The following CCDC14 variants were observed in gnomAD, a reference collection of about 807,000 sequenced individuals.
The protein encoded by CCDC14 is coiled-coil domain-containing protein 14.
A neutral mutation model predicts 81.4 loss-of-function variants in CCDC14; 71 were observed. The ratio of observed to expected loss-of-function variants is 0.87; its 90% CI spans 0.72 to 1.06. The LOEUF (loss-of-function observed/expected upper bound fraction) is 1.06, where lower values mean the gene tolerates loss of function less well. CCDC14 is among the 50% of genes least tolerant of loss of function. The pLI, the probability that CCDC14 is intolerant of heterozygous loss-of-function variation, is 0.00. For synonymous variants in CCDC14, 332 were observed against 364.8 expected (o/e 0.91, Z 1.03); for missense variants, 1,046 against 1,047.3 (o/e 1.00, Z 0.02).
At chr3:123,932,778 A>T (rs915175877) in intron 10 of CCDC14, among the ~76,000 whole-genome samples, 2 of 152,272 alleles carry the variant, frequency 1.3e-5, no homozygotes, top group East Asian at 1.9e-4. Flanking sequence ...CCTTTGGCTC[A>T]ACAATTCTAC....
Position 123,915,026 on chromosome 3 carries a change from T to C in CCDC14, c.2471A>G (p.Lys824Arg), listed in dbSNP as rs2034575683. 6.2e-7 allele frequency: 1 copy of C among 1,613,918 alleles called. No homozygotes were observed. The highest frequency in any genetic ancestry group is 1.7e-5 in the Admixed American group (1 of 60,006). ...EAIGKIPAAT[K>R]EPEEQTACHG... ...ACATGCAGTTTGTTCCTCTGGCTCC[T>C]TGGTGGCAGCAGGGATCTTACCAAT... Residue 824 changes from lysine (K) to arginine (R), a missense_variant, in exon 13 of 13, where the codon AAG becomes AGG. By Grantham distance (26) the Lys-to-Arg change is conservative (BLOSUM62 2). Coordinates refer to ENST00000409697, the MANE Select transcript of CCDC14 (RefSeq NM_001366335.1).
Position 123,961,143 on chromosome 3 carries a change from C to T in CCDC14, c.30+1G>A, listed in dbSNP as rs764465832. On this transcript the variant is annotated splice_donor_variant, in intron 1 of 12. Coordinates refer to ENST00000409697, the MANE Select transcript of CCDC14 (RefSeq NM_001366335.1). LOFTEE classifies it high-confidence loss of function. ...GGACTCCTCAGGTCCTCAGCCCTCA[C>T]CTGGCCCGGTCGAGCTCCAGACCTG... is the stretch of plus-strand genomic sequence containing the variant. 2 of 1,551,492 alleles carry T rather than the reference C, an allele frequency of 1.3e-6. No individual in the cohort carries two copies. The highest frequency in any genetic ancestry group is 1.7e-4 in the Middle Eastern group (1 of 5,942).
downstream of CCDC14, among the ~76,000 whole-genome samples, chr3:123,897,118 G>A (rs2034077053): frequency 6.6e-6 from 1 of 152,096 alleles, no homozygotes; most frequent in Non-Finnish European, 1.5e-5. Flanking sequence ...TAATGAGAAT[G>A]TAATTCCAAA....
In CCDC14 at chr3:123,915,244, AG is replaced by A; in HGVS notation, c.2252del (p.Pro751LeufsTer5). 1 of 1,613,628 alleles carries A rather than the reference AG, an allele frequency of 6.2e-7. No individual in the cohort carries two copies. The highest frequency in any genetic ancestry group is 8.5e-7 in the Non-Finnish European group (1 of 1,179,856). ...TTGTAGCTGCTCTTATTTGTGGCTG[AG>A]GGGATAGTCTCTTAGAAAGTGGTGA... ...KKSPLSKRLS[P>X]QPQIRAATTQ... On this transcript the variant is annotated frameshift_variant, in exon 13 of 13. Transcript: ENST00000409697. LOFTEE classifies it low-confidence loss of function (END_TRUNC).
chr3:123,932,885 G>A (rs1176913922), intron 10 of CCDC14, among the ~76,000 whole-genome samples: 1 of 151,856 alleles, frequency 6.6e-6, no homozygotes, highest in African/African-American at 2.4e-5. Context: ...GATCACTTGA[G>A]GTCAGGAGTT....
At position 123,948,686 on chromosome 3, in the gene CCDC14, C is replaced by A; in HGVS notation, c.684+5G>T. ...TTACTTATGTAGTATAAGAACTGTA[C>A]GCACAGAATGAACCTTTGGAGGGCA... is the stretch of plus-strand genomic sequence containing the variant. On this transcript the variant is annotated splice_donor_5th_base_variant and intron_variant, in intron 7 of 12. Coordinates refer to ENST00000409697, the MANE Select transcript of CCDC14 (RefSeq NM_001366335.1). The A allele has an allele frequency of 1.3e-6, 2 of 1,589,800 alleles. No homozygotes were observed. The highest frequency in any genetic ancestry group is 2.2e-5 in the East Asian group (1 of 44,730).
chr3:123,917,275 C>T (rs992691396), intron 12 of CCDC14, among the ~76,000 whole-genome samples: 2 of 151,482 alleles, frequency 1.3e-5, no homozygotes, highest in Non-Finnish European at 2.9e-5. Flanking sequence ...AGGCAGATCA[C>T]CTGAGGTCAG....
intron 8 of CCDC14, 33 bp from the exon 9 acceptor site, chr3:123,945,023 T>C: frequency 6.7e-7 from 1 of 1,488,288 alleles, no homozygotes. Context: ...GTAAAATCAA[T>C]ATTATATTTT....
chr3:123,958,106 C>G (rs1208068115), intron 1 of CCDC14: 1 of 152,092 alleles, frequency 6.6e-6, no homozygotes, highest in East Asian at 1.9e-4. Context: ...ATGAAGCCAG[C>G]AGTGAGAACC....
chr3:123,917,508 A>C (rs1399539010), intron 12 of CCDC14, among the ~76,000 whole-genome samples: 1 of 122,644 alleles, frequency 8.2e-6, no homozygotes, highest in African/African-American at 4.0e-5. Flanking sequence ...CAAAAAAAAA[A>C]ACAAAAAACA....
At chr3:123,898,751 A>C (rs1412304979) in intron 5 of CCDC14, among the ~76,000 whole-genome samples, 1 of 152,130 alleles carries the variant, frequency 6.6e-6, no homozygotes. Context: ...GCAGCGGCAC[A>C]ATCTTGGCTC....
chr3:123,947,808 T>A (rs1253561023), intron 7 of CCDC14, among the ~76,000 whole-genome samples: 1 of 151,972 alleles, frequency 6.6e-6, no homozygotes, highest in African/African-American at 2.4e-5. Flanking sequence ...GTTTCTGATA[T>A]TAAAAACTTG....
intron 5 of CCDC14, among the ~76,000 whole-genome samples, chr3:123,949,854 G>C (rs1324342437): frequency 2.0e-5 from 3 of 152,022 alleles, no homozygotes; most frequent in Non-Finnish European, 2.9e-5. Context: ...CACCACCCTA[G>C]AGCACATATT....
downstream of CCDC14, chr3:123,913,315 G>C (rs2034489906): frequency 1.1e-6 from 1 of 907,990 alleles, no homozygotes; most frequent in Non-Finnish European, 1.3e-6. Context: ...TGCATATAAG[G>C]ATGGCTGTTC....
intron 12 of CCDC14, among the ~76,000 whole-genome samples, chr3:123,922,232 AAG>A (rs2035089171): frequency 6.6e-6 from 1 of 152,202 alleles, no homozygotes; most frequent in African/African-American, 2.4e-5. Flanking sequence ...AAGCAATTCT[AAG>A]AGGGAAATTT....
chr3:123,951,341 TA>T (rs139823283), intron 5 of CCDC14, among the ~76,000 whole-genome samples: 4,156 of 152,278 alleles, frequency 0.027, 77 homozygotes, highest in Non-Finnish European at 0.042. Context: ...ATGTCAGTAA[TA>T]AACCTCTGAA....
chr3:123,952,908 C>T lies in CCDC14; in HGVS notation c.352+2935G>A, dbSNP rs113876468. ...AACAGCTGCCAACCACACACACACA[C>T]AACTAGAAACTAATTTCTAATATTG... On this transcript the variant is annotated intron_variant, in intron 5 of 12. Transcript: ENST00000409697. The T allele has an allele frequency of 5.1e-3, 994 of 195,260 alleles. 14 individuals carry two copies. The highest frequency in any genetic ancestry group is 0.021 in the African/African-American group (930 of 43,500). The allele number at this position is 195,260 out of a possible 1,614,324, so 12.1% of individuals were successfully genotyped here.
chr3:123,902,358 G>A (rs972739809), intron 5 of CCDC14, among the ~76,000 whole-genome samples: 5 of 152,194 alleles, frequency 3.3e-5, no homozygotes, highest in African/African-American at 1.2e-4. Context: ...TCTGGGTACT[G>A]AGCATCAATG....
At chr3:123,943,151 CAT>C (rs1050129642) in intron 9 of CCDC14, among the ~76,000 whole-genome samples, 1 of 151,148 alleles carries the variant, frequency 6.6e-6, no homozygotes, top group Non-Finnish European at 1.5e-5. Flanking sequence ...TATACACATA[CAT>C]ATATATATAT....
Sources: gnomAD v4.1 joint callset for allele counts (sites outside exome capture counted in the v4.1 genomes callset) on GRCh38, gnomAD v4.1.1 for gene constraint, MANE v1.5 for transcripts, NCBI Gene and HGNC (gene_info 2026-07-23, HGNC 2026-07-21) for gene names.